Variants in HSF2BP observed in about 807,000 individuals in gnomAD.
HSF2BP encodes the protein heat shock transcription factor 2 binding protein.
In HSF2BP, 35 loss-of-function variants were observed where a neutral mutation model predicts 35.0. The ratio of observed to expected loss-of-function variants is 1.00; its 90% CI spans 0.76 to 1.32. HSF2BP has a LOEUF of 1.32. HSF2BP is among the 40% of genes most tolerant of loss of function. The pLI, the probability that HSF2BP is intolerant of heterozygous loss-of-function variation, is 0.00. For missense variants in HSF2BP, 326 were observed against 321.7 expected, an observed-to-expected ratio of 1.01 and a Z score of -0.10; for synonymous variants, 114 against 117.4, an observed-to-expected ratio of 0.97 and a Z score of 0.18.
intron 3 of HSF2BP, among the ~76,000 whole-genome samples, chr21:43,655,219 T>C (rs1327541167): frequency 6.6e-6 from 1 of 152,222 alleles, no homozygotes; most frequent in Non-Finnish European, 1.5e-5. Context: ...TTTACCTTCC[T>C]TTCCTGAAGA....
intron 3 of HSF2BP, among the ~76,000 whole-genome samples, chr21:43,652,507 T>C (rs2082802936): frequency 6.6e-6 from 1 of 151,746 alleles, no homozygotes; most frequent in Non-Finnish European, 1.5e-5. Context: ...AATCAGTATG[T>C]CAAACGGCTC....
chr21:43,637,542 C>A (rs981774819), intron 4 of HSF2BP, among the ~76,000 whole-genome samples: 2 of 151,736 alleles, frequency 1.3e-5, no homozygotes, highest in African/African-American at 4.8e-5. Flanking sequence ...GTGGCTCATG[C>A]CTGTAATCCC....
At chr21:43,647,864 A>G (rs1474756585) in intron 3 of HSF2BP, among the ~76,000 whole-genome samples, 1 of 148,748 alleles carries the variant, frequency 6.7e-6, no homozygotes, top group Non-Finnish European at 1.5e-5. Context: ...GGGAGGCGGA[A>G]GTTGCAGTGA....
At chr21:43,648,325 A>G (rs2082736992) in intron 3 of HSF2BP, among the ~76,000 whole-genome samples, 1 of 152,164 alleles carries the variant, frequency 6.6e-6, no homozygotes, top group Non-Finnish European at 1.5e-5. Flanking sequence ...CAAGGATGGG[A>G]CATGTCTCCC....
intron 3 of HSF2BP, among the ~76,000 whole-genome samples, chr21:43,647,809 G>A (rs1326885082): frequency 1.3e-5 from 2 of 151,692 alleles, no homozygotes; most frequent in African/African-American, 2.4e-5. Flanking sequence ...CACGCCCATA[G>A]TCCCAGCTAC....
chr21:43,573,149 G>A (rs1205183558), intron 8 of HSF2BP, among the ~76,000 whole-genome samples: 1 of 152,198 alleles, frequency 6.6e-6, no homozygotes, highest in Non-Finnish European at 1.5e-5. Flanking sequence ...TGGTGCTCTG[G>A]AATCAGAAAA....
intron 4 of HSF2BP, among the ~76,000 whole-genome samples, chr21:43,637,982 T>C (rs1172666348): frequency 6.6e-6 from 1 of 152,164 alleles, no homozygotes; most frequent in Non-Finnish European, 1.5e-5. Context: ...CTCACCACTC[T>C]TATTCAGCAC....
Position 43,658,093 on chromosome 21 carries a change from C to A in HSF2BP, c.4G>T (p.Gly2Cys). 3.3e-6 allele frequency: 5 copies of A among 1,534,692 alleles called. No individual in the cohort carries two copies. The highest frequency in any genetic ancestry group is 4.4e-6 in the Non-Finnish European group (5 of 1,145,492). Reference protein sequence around the residue: MGEAGAAEEACR... With the variant: MCEAGAAEEACR... The stretch of plus-strand genomic sequence containing the variant: ...GCCTCCTCAGCGGCGCCCGCTTCGC[C>A]CATGGCCGCTGCCGCCTCCGCTCCG... The change falls in exon 2 of 9, where the codon GGC (glycine) becomes TGC (cysteine). Residue 2 changes from glycine (G) to cysteine (C), a missense_variant. Gly to Cys is a radical substitution (Grantham distance 159). Transcript: ENST00000291560.
chr21:43,620,705 A>ACAC (rs1555870360), intron 6 of HSF2BP, among the ~76,000 whole-genome samples: 1 of 151,562 alleles, frequency 6.6e-6, no homozygotes, highest in African/African-American at 2.4e-5. Context: ...TAAAAAATCA[A>ACAC]CATCATCATC....
intron 6 of HSF2BP, among the ~76,000 whole-genome samples, chr21:43,626,046 A>T (rs2146975667): frequency 6.6e-6 from 1 of 152,348 alleles, no homozygotes; most frequent in East Asian, 1.9e-4. Flanking sequence ...GACAACCTTC[A>T]AACAATGTTT....
At chr21:43,655,324 A>AACCAATGAC in intron 3 of HSF2BP, among the ~76,000 whole-genome samples, 1 of 152,364 alleles carries the variant, frequency 6.6e-6, no homozygotes, top group African/African-American at 2.4e-5. Flanking sequence ...GCATTCTGGC[A>AACCAATGAC]ACCAATGACA....
At chr21:43,577,729 T>C (rs2081661829) in intron 8 of HSF2BP, among the ~76,000 whole-genome samples, 1 of 152,178 alleles carries the variant, frequency 6.6e-6, no homozygotes, top group African/African-American at 2.4e-5. Context: ...CTGAAGCAAC[T>C]GAAGATCCAC....
intron 3 of HSF2BP, among the ~76,000 whole-genome samples, chr21:43,645,807 A>T (rs2082701437): frequency 6.6e-6 from 1 of 152,170 alleles, no homozygotes; most frequent in Non-Finnish European, 1.5e-5. Context: ...GTCTGAGAGG[A>T]CAAGAGGAAG....
chr21:43,501,479 T>C, the HSF2BP span, among the ~76,000 whole-genome samples: 5 of 49,036 alleles, frequency 1.0e-4, no homozygotes, highest in African/African-American at 6.8e-4. Flanking sequence ...CTCGGCTCAC[T>C]GCAACCTCTG....
At chr21:43,644,205 C>T (rs1486369340) in intron 4 of HSF2BP, 84 bp downstream of exon 4, 4 of 916,810 alleles carry the variant, frequency 4.4e-6, no homozygotes, top group Non-Finnish European at 7.1e-6. Flanking sequence ...GTAAAAAATT[C>T]AGTCCCACTG....
intron 8 of HSF2BP, among the ~76,000 whole-genome samples, chr21:43,583,523 G>A (rs2081794135): frequency 8.3e-6 from 1 of 119,796 alleles, no homozygotes; most frequent in Admixed American, 7.8e-5. Flanking sequence ...GCCTGAGGGA[G>A]ATGAAGGGCC....
intron 6 of HSF2BP, among the ~76,000 whole-genome samples, chr21:43,630,117 A>C (rs1432800388): frequency 6.6e-6 from 1 of 152,246 alleles, no homozygotes; most frequent in Non-Finnish European, 1.5e-5. Flanking sequence ...TTTTAGCAAT[A>C]ATGAATTTTC....
At chr21:43,618,329 C>T (rs1332047363) in intron 6 of HSF2BP, among the ~76,000 whole-genome samples, 1 of 151,972 alleles carries the variant, frequency 6.6e-6, no homozygotes, top group African/African-American at 2.4e-5. Context: ...CGTACTATGT[C>T]TGATACTTTT....
At chr21:43,587,793 C>T (rs1033649978) in intron 8 of HSF2BP, among the ~76,000 whole-genome samples, 2 of 152,086 alleles carry the variant, frequency 1.3e-5, no homozygotes, top group African/African-American at 4.8e-5. Context: ...AAAAGTCCAC[C>T]TGAGTCAAAG....
Sources: allele counts gnomAD v4.1 joint callset (sites outside exome capture counted in the v4.1 genomes callset), GRCh38; gene constraint gnomAD v4.1.1; transcripts MANE v1.5; gene names NCBI Gene and HGNC (gene_info 2026-07-23, HGNC 2026-07-21).